Variants in EPG5 observed in about 807,000 individuals in gnomAD.
The protein encoded by EPG5 is ectopic P-granules 5 autophagy tethering factor.
Under a neutral mutation model 302.7 loss-of-function variants are expected in EPG5, and 159 were observed. The observed-to-expected ratio is 0.53, with a 90% CI of 0.46 to 0.60. EPG5 has a LOEUF of 0.60. Ranked by LOEUF, EPG5 falls within the 20% of genes least tolerant of loss-of-function variation. The pLI, the probability that EPG5 is intolerant of heterozygous loss-of-function variation, is 0.00. For synonymous variants in EPG5, 1,158 were observed against 1,136.8 expected (o/e 1.02, Z -0.37); for missense variants, 2,896 against 3,092.4 (o/e 0.94, Z 1.51).
At chr18:45,894,883 A>C (rs189643688) in intron 27 of EPG5, among the ~76,000 whole-genome samples, 85 of 152,354 alleles carry the variant, frequency 5.6e-4, no homozygotes, top group African/African-American at 2.0e-3. Flanking sequence ...GATACTGCCA[A>C]GTAAATATGG....
chr18:45,839,536 C>T, the EPG5 span, among the ~76,000 whole-genome samples: 6 of 152,082 alleles, frequency 3.9e-5, no homozygotes, highest in African/African-American at 1.4e-4. Flanking sequence ...GCGTGCTGAG[C>T]GGTAGACAGA....
chr18:45,822,388 G>A, the EPG5 span, among the ~76,000 whole-genome samples: 24 of 152,232 alleles, frequency 1.6e-4, no homozygotes, highest in Admixed American at 3.3e-4. Flanking sequence ...CCAGAATTTG[G>A]GAAGGGTAGG....
intron 6 of EPG5, among the ~76,000 whole-genome samples, chr18:45,947,324 A>C (rs2050804139): frequency 6.6e-6 from 1 of 152,108 alleles, no homozygotes. Context: ...GAGGCAGGAG[A>C]ATCTCTTGAA....
chr18:45,819,909 C>A, the EPG5 span, among the ~76,000 whole-genome samples: 2 of 152,152 alleles, frequency 1.3e-5, no homozygotes, highest in Admixed American at 1.3e-4. Flanking sequence ...TAGGCATCAC[C>A]CCTTTTTATA....
At chr18:45,918,090 C>T (rs899798989) in intron 16 of EPG5, among the ~76,000 whole-genome samples, 3 of 152,138 alleles carry the variant, frequency 2.0e-5, no homozygotes, top group South Asian at 4.1e-4. Context: ...AAAATGAGAA[C>T]GCCAGTTTGC....
At chr18:45,879,939 G>T (rs1173490757) in intron 32 of EPG5, 136 bp downstream of exon 32, 1 of 956,928 alleles carries the variant, frequency 1.0e-6, no homozygotes, top group South Asian at 2.0e-5. Flanking sequence ...GGACACGAGG[G>T]AACCAAAGCA....
chr18:45,885,664 T>A (rs2049201842), intron 29 of EPG5, among the ~76,000 whole-genome samples: 1 of 152,188 alleles, frequency 6.6e-6, no homozygotes, highest in Non-Finnish European at 1.5e-5. Context: ...TTTCATATGG[T>A]TGACCACAGG....
chr18:45,811,123 C>G, the EPG5 span, among the ~76,000 whole-genome samples: 1 of 152,102 alleles, frequency 6.6e-6, no homozygotes, highest in Non-Finnish European at 1.5e-5. Flanking sequence ...GACGCCCACT[C>G]TCACCACTCC....
chr18:45,865,347 T>C (rs1280753204), intron 39 of EPG5, among the ~76,000 whole-genome samples: 1 of 152,150 alleles, frequency 6.6e-6, no homozygotes, highest in Non-Finnish European at 1.5e-5. Context: ...TCCCTAGAAA[T>C]GCCGCTCACT....
intron 1 of EPG5, among the ~76,000 whole-genome samples, chr18:45,962,335 C>T (rs1471038718): frequency 6.6e-6 from 1 of 152,158 alleles, no homozygotes; most frequent in Admixed American, 6.5e-5. Context: ...CTGTCCTTAG[C>T]AATTACCAGA....
intron 1 of EPG5, among the ~76,000 whole-genome samples, chr18:45,960,155 A>G (rs1303969122): frequency 6.6e-6 from 1 of 152,258 alleles, no homozygotes; most frequent in Non-Finnish European, 1.5e-5. Flanking sequence ...GAAGGAAGAC[A>G]TAATGTATAT....
rs1406958111 is a variant in EPG5, at chr18:45,952,396, A to C, written c.1252+4T>G. 1 of 1,613,540 alleles carries C rather than the reference A, an allele frequency of 6.2e-7. No homozygotes were observed. The highest frequency in any genetic ancestry group is 1.7e-5 in the Admixed American group (1 of 59,978). ...CAAGAAAGAGAGCTTCATTACTTAC[A>C]TACCTCGGCCTTGCTGGTGAATTGC... On this transcript the variant is annotated splice_donor_region_variant and intron_variant, in intron 3 of 43. Coordinates refer to ENST00000282041, the MANE Select transcript of EPG5 (RefSeq NM_020964.3).
the EPG5 span, chr18:45,838,668 G>A: frequency 9.4e-6 from 14 of 1,493,716 alleles, no homozygotes; most frequent in Non-Finnish European, 1.2e-5. Flanking sequence ...CGTCCAAAGG[G>A]CTAAGGGGAG....
intron 19 of EPG5, among the ~76,000 whole-genome samples, 173 bp from the exon 20 acceptor site, chr18:45,915,794 G>GT (rs753579624): frequency 6.6e-6 from 1 of 152,220 alleles, no homozygotes; most frequent in Non-Finnish European, 1.5e-5. Flanking sequence ...ACAGCCAAAT[G>GT]TAACAAGCGG....
At chr18:45,960,641 G>C (rs1468906399) in intron 1 of EPG5, among the ~76,000 whole-genome samples, 2 of 152,084 alleles carry the variant, frequency 1.3e-5, no homozygotes, top group African/African-American at 4.8e-5. Flanking sequence ...AATATGCTCT[G>C]GAGTGTGGGT....
At chr18:45,933,179 G>C (rs540637228) in intron 11 of EPG5, among the ~76,000 whole-genome samples, 17 of 152,098 alleles carry the variant, frequency 1.1e-4, no homozygotes, top group Admixed American at 1.0e-3. Context: ...TAGCTCACTC[G>C]TAAGCCCAGG....
intron 38 of EPG5, 98 bp downstream of exon 38, chr18:45,866,700 T>C (rs1490972703): frequency 2.0e-5 from 18 of 912,430 alleles, no homozygotes; most frequent in African/African-American, 4.9e-5. Flanking sequence ...CGACTTCCTC[T>C]GCTGAGCACT....
Position 45,959,734 on chromosome 18 carries a change from C to T in EPG5, c.64-4396G>A, listed in dbSNP as rs975737390. On this transcript the variant is annotated intron_variant, in intron 1 of 43. Transcript: ENST00000282041. ...GTGGCTCATGCCTGTAATACCAGCA[C>T]TTTGCGAGGCTGAGGTGGGTGGATC... Among the ~76,000 whole-genome samples, 23 of 152,202 alleles carry T rather than the reference C, an allele frequency of 1.5e-4. 1 individual carries two copies. Among genetic ancestry groups the T allele is most frequent in the Non-Finnish European group, 2.9e-4 (20 of 68,022 alleles).
the EPG5 span, among the ~76,000 whole-genome samples, chr18:45,807,197 T>C: frequency 0.7 from 105,730 of 152,042 alleles, 37,239 homozygotes; most frequent in East Asian, 0.92. Flanking sequence ...GAGCCTCATC[T>C]CCATCCCCCA....
Sources: gnomAD v4.1 joint callset for allele counts (sites outside exome capture counted in the v4.1 genomes callset) on GRCh38, gnomAD v4.1.1 for gene constraint, MANE v1.5 for transcripts, NCBI Gene and HGNC (gene_info 2026-07-23, HGNC 2026-07-21) for gene names.